Variants in RORB observed in about 807,000 individuals in gnomAD.
The protein encoded by RORB is RAR related orphan receptor B.
In RORB, 6 loss-of-function variants were observed where a neutral mutation model predicts 59.1. The ratio of observed to expected loss-of-function variants is 0.10; its 90% CI spans 0.06 to 0.20. The LOEUF (loss-of-function observed/expected upper bound fraction) is 0.20. Ranked by LOEUF, RORB falls within the 10% of genes least tolerant of loss-of-function variation. RORB has a pLI of 1.00. For synonymous variants in RORB, 215 were observed against 204.5 expected, an observed-to-expected ratio of 1.05 and a Z score of -0.44; for missense variants, 320 against 560.5, an observed-to-expected ratio of 0.57 and a Z score of 4.33.
chr9:74,554,773 G>A (rs1402770841), intron 1 of RORB, among the ~76,000 whole-genome samples: 1 of 152,170 alleles, frequency 6.6e-6, no homozygotes, highest in Non-Finnish European at 1.5e-5. Context: ...CCAGGCCACA[G>A]CAGTGTGCCC....
chr9:74,662,630 G>T, intron 6 of RORB, 24 bp downstream of exon 6: 1 of 1,610,216 alleles, frequency 6.2e-7, no homozygotes, highest in South Asian at 1.1e-5. Context: ...TTCATGGGAG[G>T]CCTATTTCAG....
chr9:74,661,202 A>C (rs1420713768), intron 5 of RORB, among the ~76,000 whole-genome samples: 1 of 152,224 alleles, frequency 6.6e-6, no homozygotes, highest in Non-Finnish European at 1.5e-5. Context: ...TCCAAAAAAC[A>C]GGACAACTCA....
At chr9:74,653,750 G>T (rs10869433) in intron 4 of RORB, among the ~76,000 whole-genome samples, 33,305 of 151,864 alleles carry the variant, frequency 0.22, 4,117 homozygotes, top group African/African-American at 0.33. Context: ...GAAACTACCC[G>T]TGCAATCCGT....
chr9:74,525,887 C>A (rs1242201025), intron 1 of RORB, among the ~76,000 whole-genome samples: 1 of 151,802 alleles, frequency 6.6e-6, no homozygotes, highest in African/African-American at 2.4e-5. Flanking sequence ...AAAGCAAATG[C>A]AAATTTACTA....
chr9:74,501,684 C>A (rs1825805269), intron 1 of RORB, among the ~76,000 whole-genome samples: 1 of 152,094 alleles, frequency 6.6e-6, no homozygotes, highest in Non-Finnish European at 1.5e-5. Flanking sequence ...TTACATCTAG[C>A]GACTCTCTCC....
At chr9:74,654,154 CTGATA>C (rs1824040249) in intron 4 of RORB, among the ~76,000 whole-genome samples, 1 of 152,130 alleles carries the variant, frequency 6.6e-6, no homozygotes, top group Admixed American at 6.5e-5. Flanking sequence ...TTTACATCGT[CTGATA>C]TAATTGACCT....
At chr9:74,615,878 A>G (rs1456092747) in intron 1 of RORB, among the ~76,000 whole-genome samples, 1 of 152,200 alleles carries the variant, frequency 6.6e-6, no homozygotes, top group East Asian at 1.9e-4. Flanking sequence ...TACCAAATGC[A>G]TAAGTTTCAA....
intron 1 of RORB, among the ~76,000 whole-genome samples, chr9:74,519,658 C>G (rs957594714): frequency 6.6e-6 from 1 of 151,958 alleles, no homozygotes; most frequent in Non-Finnish European, 1.5e-5. Context: ...CCAAACAATG[C>G]GCTGCCCAAA....
chr9:74,499,124 C>T, intron 1 of RORB: 1 of 152,804 alleles, frequency 6.5e-6, no homozygotes, highest in Non-Finnish European at 1.5e-5. Context: ...GGCCACACAG[C>T]GGTTAATCGG....
intron 1 of RORB, among the ~76,000 whole-genome samples, chr9:74,613,000 A>G (rs1478947818): frequency 6.6e-6 from 1 of 152,206 alleles, no homozygotes; most frequent in African/African-American, 2.4e-5. Context: ...GGATTTAAAT[A>G]CACACTGGAC....
At chr9:74,581,942 T>C (rs1390780508) in intron 1 of RORB, among the ~76,000 whole-genome samples, 1 of 152,210 alleles carries the variant, frequency 6.6e-6, no homozygotes, top group Non-Finnish European at 1.5e-5. Context: ...AGCATTGCTA[T>C]TTTAGCTCTT....
At chr9:74,668,700 A>G (rs778855748) in intron 8 of RORB, among the ~76,000 whole-genome samples, 3 of 152,224 alleles carry the variant, frequency 2.0e-5, no homozygotes, top group African/African-American at 7.2e-5. Context: ...GAAGTGGATC[A>G]TCATAAAGGT....
intron 9 of RORB, among the ~76,000 whole-genome samples, chr9:74,680,949 A>C (rs1361667882): frequency 6.6e-6 from 1 of 152,200 alleles, no homozygotes; most frequent in Non-Finnish European, 1.5e-5. Context: ...GGAGAGAAGC[A>C]TAGGATTATT....
chr9:74,575,946 G>A (rs1822628171), intron 1 of RORB, among the ~76,000 whole-genome samples: 1 of 151,958 alleles, frequency 6.6e-6, no homozygotes, highest in Non-Finnish European at 1.5e-5. Flanking sequence ...TATCACGCAG[G>A]ATTTCTTTGC....
intron 1 of RORB, among the ~76,000 whole-genome samples, chr9:74,612,111 G>A (rs1391807692): frequency 2.0e-5 from 3 of 152,178 alleles, no homozygotes; most frequent in Admixed American, 6.5e-5. Context: ...TAGGATCCCA[G>A]GGTAAGCAGA....
In RORB at chr9:74,692,133, C is replaced by G. The variant is rs1433394644; in HGVS notation, c.*6515C>G. On this transcript the variant is annotated 3_prime_UTR_variant, in exon 10 of 10. Coordinates refer to ENST00000376896, the MANE Select transcript of RORB (RefSeq NM_006914.4). ...GGTCAGACCACTCATTTGCTGAAGC[C>G]ATAACTGACCTTCACCAAATAAATG... 6.6e-6 allele frequency: 1 copy of G among 152,060 alleles called. No homozygotes were observed. The allele number at this position is 152,060 out of a possible 1,614,324, so 9.4% of individuals were successfully genotyped here. A position where few individuals can be genotyped will look rare whatever the true frequency, so the allele number is the denominator to read the frequency against.
chr9:74,604,283 T>G (rs977692215), intron 1 of RORB, among the ~76,000 whole-genome samples: 4 of 152,244 alleles, frequency 2.6e-5, no homozygotes, highest in African/African-American at 9.6e-5. Context: ...TATAAACTCC[T>G]TGGCAAGGCC....
chr9:74,583,476 T>C (rs527247318), intron 1 of RORB, among the ~76,000 whole-genome samples: 1 of 152,008 alleles, frequency 6.6e-6, no homozygotes, highest in Admixed American at 6.6e-5. Context: ...ATTCTACAGG[T>C]AACCCAAATT....
intron 4 of RORB, among the ~76,000 whole-genome samples, chr9:74,655,947 G>A (rs1003612469): frequency 6.6e-6 from 1 of 152,174 alleles, no homozygotes; most frequent in Non-Finnish European, 1.5e-5. Context: ...TGCTGCTACT[G>A]TGCTTTTGCC....
Sources: allele counts gnomAD v4.1 joint callset (sites outside exome capture counted in the v4.1 genomes callset), GRCh38; gene constraint gnomAD v4.1.1; transcripts MANE v1.5; gene names NCBI Gene and HGNC (gene_info 2026-07-23, HGNC 2026-07-21).